Variants in CD34 observed in about 807,000 individuals in gnomAD.
CD34 encodes the protein hematopoietic progenitor cell antigen CD34.
Under a neutral mutation model 40.1 loss-of-function variants are expected in CD34, and 34 were observed. The ratio of observed to expected loss-of-function variants is 0.85; its 90% CI spans 0.65 to 1.13. CD34 has a LOEUF of 1.13. CD34 is among the 50% of genes most tolerant of loss of function. The pLI, the probability that CD34 is intolerant of heterozygous loss-of-function variation, is 0.00. For missense variants in CD34, 426 were observed against 466.9 expected (o/e 0.91, Z 0.81); for synonymous variants, 209 against 190.0 (o/e 1.10, Z -0.82).
In CD34 at chr1:207,899,086, T is replaced by C; in HGVS notation, c.403A>G (p.Lys135Glu). The change falls in exon 3 of 8, where the codon AAG (lysine) becomes GAG (glutamate). Residue 135 changes from lysine (K) to glutamate (E), a missense_variant. Coordinates refer to ENST00000310833, the MANE Select transcript of CD34 (RefSeq NM_001025109.2). Reference sequence around the variant, plus strand: ...ACATTTCCAGGTGACAGGCTAGGCTTCAAGGTTGTCTCTGGAGTTGAAACG... The same window carrying C: ...ACATTTCCAGGTGACAGGCTAGGCTCCAAGGTTGTCTCTGGAGTTGAAACG... ...ANVSTPETTLKPSLSPGNVSD... is the reference protein window; with the variant it reads ...ANVSTPETTLEPSLSPGNVSD... 6.2e-7 allele frequency: 1 copy of C among 1,614,202 alleles called. No homozygotes were observed. Among genetic ancestry groups the C allele is most frequent in the Non-Finnish European group, 8.5e-7 (1 of 1,180,030 alleles).
At chr1:207,909,162 A>G (rs113588931) in intron 1 of CD34, among the ~76,000 whole-genome samples, 3 of 152,264 alleles carry the variant, frequency 2.0e-5, no homozygotes, top group African/African-American at 7.2e-5. Context: ...ATCCCTCCCC[A>G]CCAAAAGCTG....
At position 207,902,204 on chromosome 1, in the gene CD34, G is replaced by A. The variant is rs1401448255; in HGVS notation, c.80-2201C>T. On this transcript the variant is annotated intron_variant, in intron 1 of 7. Coordinates refer to ENST00000310833, the MANE Select transcript of CD34 (RefSeq NM_001025109.2). ...TCACTATCTCTGTCTTAGAGATGAA[G>A]AGCCTGAATCACCAAGGTGCTGCCC... is the stretch of plus-strand genomic sequence containing the variant. 3.9e-5 allele frequency among the ~76,000 whole-genome samples: 6 copies of A among 152,232 alleles called. No homozygotes were observed. In the East Asian group the frequency reaches 1.2e-3, roughly 29 times the overall value.
At chr1:207,910,875 G>A in intron 1 of CD34, 127 bp downstream of exon 1, 1 of 913,608 alleles carries the variant, frequency 1.1e-6, no homozygotes, top group Non-Finnish European at 1.7e-6. Flanking sequence ...AGCTGTGGGC[G>A]GCAGTGCGTG....
intron 7 of CD34, 161 bp from the exon 8 acceptor site, chr1:207,888,084 C>G (rs375210705): frequency 9.4e-5 from 152 of 1,613,794 alleles, no homozygotes; most frequent in Non-Finnish European, 1.2e-4. Flanking sequence ...TGTGCAGACT[C>G]CTTTCTTCCT....
At chr1:207,910,831 G>C (rs1009397301) in intron 1 of CD34, among the ~76,000 whole-genome samples, 171 bp downstream of exon 1, 3 of 148,210 alleles carry the variant, frequency 2.0e-5, no homozygotes, top group Non-Finnish European at 4.5e-5. Context: ...ACCCCCGTCA[G>C]CTCCCAGGTG....
rs112369974 is a variant in CD34, at chr1:207,887,598, C to T, written c.*140G>A. The stretch of plus-strand genomic sequence containing the variant: ...TGCCCCTCCTCAAGGTGTAGGGCCC[C>T]AAGAACAGCCTCTGAGGTGTGTGCA... On this transcript the variant is annotated 3_prime_UTR_variant, in exon 8 of 8. Coordinates refer to ENST00000310833, the MANE Select transcript of CD34 (RefSeq NM_001025109.2). 4.4e-3 allele frequency: 5,482 copies of T among 1,256,992 alleles called. 188 individuals carry two copies. In the African/African-American group the frequency reaches 0.069, roughly 16 times the overall value. The allele number at this position is 1,256,992 out of a possible 1,614,324, so 77.9% of individuals were successfully genotyped here.
intron 1 of CD34, among the ~76,000 whole-genome samples, chr1:207,907,693 T>G (rs990218290): frequency 6.6e-6 from 1 of 152,210 alleles, no homozygotes; most frequent in Non-Finnish European, 1.5e-5. Flanking sequence ...CCTATTTGTT[T>G]GTCTCTCCAT....
At chr1:207,900,748 G>A (rs1662257371) in intron 1 of CD34, among the ~76,000 whole-genome samples, 1 of 152,146 alleles carries the variant, frequency 6.6e-6, no homozygotes, top group Admixed American at 6.5e-5. Flanking sequence ...TAGTGGGAAG[G>A]TAGACAAGCT....
chr1:207,892,923 G>C (rs574514956), intron 4 of CD34, among the ~76,000 whole-genome samples: 1 of 152,226 alleles, frequency 6.6e-6, no homozygotes, highest in East Asian at 1.9e-4. Flanking sequence ...ACAGTTTCTT[G>C]GACTAGATTC....
chr1:207,898,896 G>A, intron 3 of CD34, 77 bp downstream of exon 3: 1 of 1,472,590 alleles, frequency 6.8e-7, no homozygotes, highest in Non-Finnish European at 9.4e-7. Context: ...GAGGAGAGGG[G>A]TGGAGGGAAA....
rs1335180934 is a variant in CD34 at position 207,900,007 on chromosome 1, T to C, written c.80-4A>G. 10 of 1,599,570 alleles carry C rather than the reference T, an allele frequency of 6.3e-6. No homozygotes were observed. In the African/African-American group the frequency reaches 6.7e-5, roughly 11 times the overall value. On this transcript the variant is annotated splice_polypyrimidine_tract_variant and splice_region_variant and intron_variant, in intron 1 of 7. Transcript: ENST00000310833. ...TCAAGACTCATGAACCCAGAAGCTA[T>C]AGGGAAACGAGGAGGAAGAATCAGA...
chr1:207,887,884 C>T lies in CD34; in HGVS notation c.1012G>A (p.Gly338Ser), dbSNP rs1187556124. The T allele has an allele frequency of 1.9e-6, 3 of 1,614,002 alleles. No homozygotes were observed. In the Admixed American group the frequency reaches 5.0e-5, roughly 27 times the overall value. ...GAGGTCCCAGGTCCTGAGCTATAGCCCTGGCCTCCACCGTTTTCCGTGTAA... is the reference window on the plus strand; with the variant it reads ...GAGGTCCCAGGTCCTGAGCTATAGCTCTGGCCTCCACCGTTTTCCGTGTAA... ...PYYTENGGGQ[G>S]YSSGPGTSPE... The change falls in exon 8 of 8, where the codon GGC (glycine) becomes AGC (serine). Residue 338 changes from glycine (G) to serine (S), a missense_variant. Physicochemically the swap from Gly to Ser is moderately conservative, Grantham distance 56. Coordinates refer to ENST00000310833, the MANE Select transcript of CD34 (RefSeq NM_001025109.2).
Position 207,882,528 on chromosome 1 carries a change from A to G in CD34, c.*5210T>C, listed in dbSNP as rs1661827255. The G allele has an allele frequency of 6.6e-6, 1 of 152,260 alleles. No homozygotes were observed. The highest frequency in any genetic ancestry group is 1.5e-5 in the Non-Finnish European group (1 of 68,050). 9.4% of individuals were successfully genotyped at this position (152,260 alleles called of 1,614,324 possible). On this transcript the variant is annotated 3_prime_UTR_variant, in exon 8 of 8. Transcript: ENST00000310833. Reference sequence around the variant, plus strand: ...TAACAGATGCCAACATTGAGATGATAAAGATGTTGAAACCATCTGACAAGA... The same window carrying G: ...TAACAGATGCCAACATTGAGATGATGAAGATGTTGAAACCATCTGACAAGA...
rs1466385784 is a variant in CD34, at chr1:207,889,542, G to T, written c.677C>A (p.Ala226Asp). The T allele has an allele frequency of 4.5e-5, 72 of 1,614,068 alleles. No individual in the cohort carries two copies. Among genetic ancestry groups the T allele is most frequent in the Non-Finnish European group, 5.9e-5 (70 of 1,179,994 alleles). Residue 226 changes from alanine to aspartate, a missense_variant, in exon 5 of 8, where the codon GCC becomes GAC. By Grantham distance (126) the Ala-to-Asp change is moderately radical. Coordinates refer to ENST00000310833, the MANE Select transcript of CD34 (RefSeq NM_001025109.2). ...GEEQADADAGAQVCSLLLAQS... is the reference protein window; with the variant it reads ...GEEQADADAGDQVCSLLLAQS... ...GGCAAGGAGCAGGGAGCATACCTGGGCCCCAGCATCAGCATCAGCCTGCTC... is the reference window on the plus strand; with the variant it reads ...GGCAAGGAGCAGGGAGCATACCTGGTCCCCAGCATCAGCATCAGCCTGCTC...
intron 3 of CD34, 132 bp from the exon 4 acceptor site, chr1:207,897,705 T>C (rs1662177605): frequency 1.4e-6 from 1 of 698,474 alleles, no homozygotes; most frequent in African/African-American, 1.8e-5. Flanking sequence ...GAAAAGGACA[T>C]TTAAAATTTG....
chr1:207,906,264 C>A (rs548737399), intron 1 of CD34, among the ~76,000 whole-genome samples: 95 of 152,218 alleles, frequency 6.2e-4, no homozygotes, highest in African/African-American at 2.1e-3. Context: ...TCACTGCAAT[C>A]CAAGGAAAAA....
At chr1:207,903,656 G>A (rs1662322228) in intron 1 of CD34, among the ~76,000 whole-genome samples, 2 of 152,184 alleles carry the variant, frequency 1.3e-5, no homozygotes, top group African/African-American at 4.8e-5. Context: ...TGTAGTAAAA[G>A]TCATGCACTG....
chr1:207,881,445 G>T lies in CD34; in HGVS notation c.*6293C>A, dbSNP rs1343584706. ...GAGGCTGAGGTGGGTGGATCATGAG[G>T]TCAGGAGATCGAGACCAGCCTGGCT... On this transcript the variant is annotated 3_prime_UTR_variant, in exon 8 of 8. Transcript: ENST00000310833. The T allele has an allele frequency of 2.0e-5, 3 of 152,204 alleles. No individual in the cohort carries two copies. The highest frequency in any genetic ancestry group is 4.8e-5 in the African/African-American group (2 of 41,408). The allele number at this position is 152,204 out of a possible 1,614,324, so 9.4% of individuals were successfully genotyped here. A position where few individuals can be genotyped will look rare whatever the true frequency, so the allele number is the denominator to read the frequency against.
chr1:207,903,265 T>TAAACC (rs1371785271), intron 1 of CD34, among the ~76,000 whole-genome samples: 1 of 152,152 alleles, frequency 6.6e-6, no homozygotes, highest in Non-Finnish European at 1.5e-5. Context: ...TCCATGGCAT[T>TAAACC]AAACCATCAA....
Sources: allele counts gnomAD v4.1 joint callset (sites outside exome capture counted in the v4.1 genomes callset), GRCh38; gene constraint gnomAD v4.1.1; transcripts MANE v1.5; gene names NCBI Gene and HGNC (gene_info 2026-07-23, HGNC 2026-07-21).